TMEM232: variants seen among roughly 807,000 people sequenced by gnomAD.
TMEM232 encodes transmembrane protein 232.
In TMEM232, 80 loss-of-function variants were observed where a neutral mutation model predicts 78.8. The observed-to-expected ratio is 1.01, with a 90% CI of 0.85 to 1.22. The LOEUF is 1.22. Ranked by LOEUF, TMEM232 falls within the 50% of genes most tolerant of loss-of-function variation. The pLI is 0.00. For missense variants in TMEM232, 881 were observed against 742.2 expected (o/e 1.19, Z -2.17); for synonymous variants, 297 against 254.3 (o/e 1.17, Z -1.60).
rs114377953 is a variant in TMEM232, at chr5:110,569,273, T to C, written c.1277-648A>G. On this transcript the variant is annotated intron_variant, in intron 10 of 13. Transcript: ENST00000455884. ...TTATATACATTACCAAGTTCCACTT[T>C]CAAAATATGTATTTTCCTTAGAGAA... is the stretch of plus-strand genomic sequence containing the variant. 6.6e-3 allele frequency among the ~76,000 whole-genome samples: 1,000 copies of C among 152,042 alleles called. 16 individuals carry two copies. Among genetic ancestry groups the C allele is most frequent in the African/African-American group, 0.023 (973 of 41,550 alleles).
chr5:110,388,378 A>G (rs557423554), intron 4 of TMEM232, among the ~76,000 whole-genome samples: 3 of 152,268 alleles, frequency 2.0e-5, no homozygotes, highest in South Asian at 2.1e-4. Context: ...CCCAGGTAGT[A>G]TATTCCTATC....
intron 13 of TMEM232, among the ~76,000 whole-genome samples, chr5:110,422,968 A>C (rs1756833897): frequency 6.6e-6 from 1 of 152,214 alleles, no homozygotes; most frequent in South Asian, 2.1e-4. Flanking sequence ...TTATTCACTC[A>C]GTGATTCAAT....
chr5:110,630,122 T>C (rs1014111991), intron 5 of TMEM232, among the ~76,000 whole-genome samples: 1 of 152,164 alleles, frequency 6.6e-6, no homozygotes, highest in African/African-American at 2.4e-5. Context: ...AGGAGGACAA[T>C]TAAAATGGTT....
upstream of TMEM232, among the ~76,000 whole-genome samples, chr5:110,727,880 A>G (rs1016497303): frequency 1.2e-4 from 19 of 152,196 alleles, no homozygotes; most frequent in African/African-American, 4.6e-4. Flanking sequence ...TATGTGAGAG[A>G]ACAAATCCTA....
intron 12 of TMEM232, among the ~76,000 whole-genome samples, chr5:110,452,228 A>C (rs2149337663): frequency 6.6e-6 from 1 of 152,288 alleles, no homozygotes; most frequent in East Asian, 1.9e-4. Context: ...CAGATAATAA[A>C]ATAATAATTA....
chr5:110,683,813 A>C (rs116241159), intron 1 of TMEM232, among the ~76,000 whole-genome samples: 2,485 of 152,070 alleles, frequency 0.016, 68 homozygotes, highest in African/African-American at 0.056. Flanking sequence ...AACATAAGAA[A>C]ACCATACCTA....
intron 11 of TMEM232, among the ~76,000 whole-genome samples, chr5:110,533,843 C>A (rs981127421): frequency 3.3e-5 from 5 of 152,162 alleles, no homozygotes; most frequent in African/African-American, 9.7e-5. Flanking sequence ...GGCCTAATCG[C>A]CACACACCAG....
intron 5 of TMEM232, among the ~76,000 whole-genome samples, chr5:110,633,444 G>T (rs901445478): frequency 1.3e-5 from 2 of 152,114 alleles, no homozygotes; most frequent in African/African-American, 4.8e-5. Flanking sequence ...GTTTGGCTCT[G>T]TGTTCCTACC....
chr5:110,514,565 C>T (rs528425559), intron 12 of TMEM232, among the ~76,000 whole-genome samples: 50 of 151,932 alleles, frequency 3.3e-4, no homozygotes, highest in African/African-American at 1.1e-3. Flanking sequence ...AGATCAGAAG[C>T]CTAAGGCTCA....
intron 12 of TMEM232, among the ~76,000 whole-genome samples, chr5:110,431,424 A>C (rs1757830309): frequency 1.3e-5 from 2 of 151,736 alleles, no homozygotes; most frequent in African/African-American, 4.8e-5. Flanking sequence ...GCTACTGGTT[A>C]GATGAAAATG....
At chr5:110,688,974 C>T (rs1030579306) in intron 1 of TMEM232, among the ~76,000 whole-genome samples, 15 of 152,092 alleles carry the variant, frequency 9.9e-5, no homozygotes, top group Admixed American at 3.3e-4. Context: ...CCCCATTTGT[C>T]GGTGTTATGT....
intron 6 of TMEM232, 65 bp from the exon 7 acceptor site, chr5:110,625,498 C>A: frequency 7.4e-7 from 1 of 1,354,982 alleles, no homozygotes; most frequent in Non-Finnish European, 9.7e-7. Context: ...TTTCATTTGT[C>A]TTTTAGCTAT....
intron 2 of TMEM232, among the ~76,000 whole-genome samples, chr5:110,643,362 A>C (rs1787016156): frequency 1.3e-5 from 2 of 152,084 alleles, no homozygotes; most frequent in East Asian, 3.9e-4. Flanking sequence ...AGATATACCA[A>C]TATTCGAGTC....
At chr5:110,660,374 A>G (rs1368230499) in intron 2 of TMEM232, among the ~76,000 whole-genome samples, 1 of 152,122 alleles carries the variant, frequency 6.6e-6, no homozygotes, top group Non-Finnish European at 1.5e-5. Flanking sequence ...TAAAAAATAT[A>G]TTCAGACAAA....
At chr5:110,719,307 A>T (rs529921897) in intron 1 of TMEM232, among the ~76,000 whole-genome samples, 79 of 152,106 alleles carry the variant, frequency 5.2e-4, no homozygotes, top group Admixed American at 9.2e-4. Context: ...ATAATTATGC[A>T]TGTGTGTAAA....
chr5:110,585,619 C>G lies in TMEM232; in HGVS notation c.1277-16994G>C, dbSNP rs145477699. Among the ~76,000 whole-genome samples, 1,468 of 152,112 alleles carry G rather than the reference C, an allele frequency of 9.7e-3. 34 individuals are homozygous for G. Among genetic ancestry groups the G allele is most frequent in the African/African-American group, 0.033 (1,371 of 41,504 alleles). On this transcript the variant is annotated intron_variant, in intron 10 of 13. Coordinates refer to ENST00000455884, the MANE Select transcript of TMEM232 (RefSeq NM_001039763.4). Reference sequence around the variant, plus strand: ...GCCACAGGGATTCTTCTTCCCTCACCTCATATTTAAAATTTCTAGCTTTTC... The same window carrying G: ...GCCACAGGGATTCTTCTTCCCTCACGTCATATTTAAAATTTCTAGCTTTTC...
At chr5:110,609,499 G>A (rs532615254) in intron 8 of TMEM232, among the ~76,000 whole-genome samples, 1 of 151,912 alleles carries the variant, frequency 6.6e-6, no homozygotes, top group East Asian at 1.9e-4. Flanking sequence ...AGTAGTGAGA[G>A]TATTATTTGA....
chr5:110,508,751 T>C (rs1383994794), intron 12 of TMEM232, among the ~76,000 whole-genome samples: 4 of 149,992 alleles, frequency 2.7e-5, no homozygotes, highest in Non-Finnish European at 1.5e-5. Context: ...AAACGTGCTA[T>C]GGAAAGAGAG....
Position 110,420,626 on chromosome 5 carries a change from T to G in TMEM232, c.1928A>C (p.Lys643Thr). The change falls in exon 14 of 14, where the codon AAG becomes ACG. Residue 643 changes from lysine to threonine, a missense_variant. Transcript: ENST00000455884. The part of the protein sequence containing the change: ...VMKKREEKLH[K>T]QTKPYELPYR... Reference sequence around the variant, plus strand: ...AGGAAGTTCATAGGGCTTGGTTTGCTTATGTAGTTTCTCTTCTCTTTTCTT... The same window carrying G: ...AGGAAGTTCATAGGGCTTGGTTTGCGTATGTAGTTTCTCTTCTCTTTTCTT... 6.6e-7 allele frequency: 1 copy of G among 1,518,850 alleles called. No homozygotes were observed. The highest frequency in any genetic ancestry group is 8.8e-7 in the Non-Finnish European group (1 of 1,142,178). The allele number at this position is 1,518,850 out of a possible 1,614,324, so 94.1% of individuals were successfully genotyped here. A position where few individuals can be genotyped will look rare whatever the true frequency, so the allele number is the denominator to read the frequency against.
Sources: gnomAD v4.1 joint callset for allele counts (sites outside exome capture counted in the v4.1 genomes callset) on GRCh38, gnomAD v4.1.1 for gene constraint, MANE v1.5 for transcripts, NCBI Gene and HGNC (gene_info 2026-07-23, HGNC 2026-07-21) for gene names.